Variants in EPHA6 observed in about 807,000 individuals in gnomAD.
EPHA6 encodes the protein ephrin type-A receptor 6.
A neutral mutation model predicts 112.0 loss-of-function variants in EPHA6; 50 were observed. That is an observed-to-expected ratio of 0.45 (90% CI 0.36 to 0.56). EPHA6 has a LOEUF of 0.56. EPHA6 is among the 20% of genes least tolerant of loss of function. The probability of loss-of-function intolerance (pLI) is 0.00; values close to 1 mark genes in which losing one functional copy is unlikely to be tolerated. For synonymous variants in EPHA6, 529 were observed against 490.7 expected (o/e 1.08, Z -1.03); for missense variants, 1,280 against 1,417.4 (o/e 0.90, Z 1.56).
intron 5 of EPHA6, chr3:97,244,760 G>C (rs954149463): frequency 6.3e-6 from 1 of 158,086 alleles, no homozygotes; most frequent in African/African-American, 2.4e-5. Flanking sequence ...ACTCTAAGTA[G>C]CAGAAAAATT....
In EPHA6 at chr3:97,089,458, A is replaced by C. The variant is rs141340297; in HGVS notation, c.1114+101465A>C. Among the ~76,000 whole-genome samples the C allele has an allele frequency of 7.2e-5, 11 of 152,148 alleles. No homozygotes were observed. The South Asian group carries it at 2.1e-3, about 29-fold the overall frequency. On this transcript the variant is annotated intron_variant, in intron 3 of 17. Coordinates refer to ENST00000389672, the MANE Select transcript of EPHA6 (RefSeq NM_001080448.3). ...GTGTATCTTTCTGTATTCTTTCTGT[A>C]ATCTTTCTGATGGTGGTATATCAAC...
At chr3:97,411,257 GC>G (rs1483431762) in intron 6 of EPHA6, among the ~76,000 whole-genome samples, 5 of 151,968 alleles carry the variant, frequency 3.3e-5, no homozygotes, top group African/African-American at 1.2e-4. Context: ...GGCTTAGTAA[GC>G]CCAGGGAGGA....
intron 3 of EPHA6, among the ~76,000 whole-genome samples, chr3:97,055,467 TG>T (rs2045822533): frequency 6.6e-6 from 1 of 152,160 alleles, no homozygotes; most frequent in South Asian, 2.1e-4. Context: ...AGATTTTGCC[TG>T]GGTCATTAAT....
At chr3:97,543,833 A>G (rs1478870468) in intron 11 of EPHA6, among the ~76,000 whole-genome samples, 1 of 151,986 alleles carries the variant, frequency 6.6e-6, no homozygotes, top group South Asian at 2.1e-4. Context: ...TTGGATTCCT[A>G]GGTATTTTAT....
At chr3:97,288,776 G>T (rs545603891) in intron 5 of EPHA6, among the ~76,000 whole-genome samples, 4 of 149,574 alleles carry the variant, frequency 2.7e-5, no homozygotes, top group Non-Finnish European at 5.9e-5. Flanking sequence ...ATTCTGACTG[G>T]TGTAACATAG....
In EPHA6 at chr3:97,182,656, A is replaced by T. The variant is rs192145406; in HGVS notation, c.1115-43608A>T. On this transcript the variant is annotated intron_variant, in intron 3 of 17. Transcript: ENST00000389672. ...ATCAGTCTAGTTTCAATCAGTCCTG[A>T]TGAGTTTGTGCAGACTAAAGTGACT... 1.1e-3 allele frequency among the ~76,000 whole-genome samples: 162 copies of T among 152,262 alleles called. 2 individuals carry two copies. The highest frequency in any genetic ancestry group is 3.7e-3 in the African/African-American group (154 of 41,590).
chr3:96,904,807 T>C (rs2038838473), intron 2 of EPHA6, among the ~76,000 whole-genome samples: 1 of 152,128 alleles, frequency 6.6e-6, no homozygotes, highest in Non-Finnish European at 1.5e-5. Flanking sequence ...AAATTTGATG[T>C]ACAGGATGAT....
At position 96,842,974 on chromosome 3, in the gene EPHA6, A is replaced by C. The variant is rs184083734; in HGVS notation, c.386-23851A>C. Among the ~76,000 whole-genome samples the C allele has an allele frequency of 5.9e-5, 9 of 152,186 alleles. No homozygotes were observed. In the East Asian group the frequency reaches 1.7e-3, roughly 30 times the overall value. On this transcript the variant is annotated intron_variant, in intron 1 of 17. Transcript: ENST00000389672. ...TCTTTAAAATTTGGTACAGTCAGAA[A>C]ATTTAAAGTGGTACTCTATGATAAC...
intron 10 of EPHA6, among the ~76,000 whole-genome samples, chr3:97,498,858 A>G (rs2092048509): frequency 6.6e-6 from 1 of 152,014 alleles, no homozygotes; most frequent in Non-Finnish European, 1.5e-5. Context: ...TCCTCCCCCA[A>G]CCCTTCATCT....
At chr3:97,410,009 T>C (rs2087608484) in intron 6 of EPHA6, among the ~76,000 whole-genome samples, 1 of 152,066 alleles carries the variant, frequency 6.6e-6, no homozygotes, top group African/African-American at 2.4e-5. Context: ...GGACAGTGTA[T>C]TATTTAAAAA....
At chr3:97,041,779 G>C (rs1015108209) in intron 3 of EPHA6, among the ~76,000 whole-genome samples, 3 of 152,076 alleles carry the variant, frequency 2.0e-5, no homozygotes, top group Non-Finnish European at 4.4e-5. Flanking sequence ...CAGAGAAAAA[G>C]GGAGAGAGAG....
chr3:97,399,550 C>G (rs2086871520), intron 5 of EPHA6, among the ~76,000 whole-genome samples: 1 of 151,638 alleles, frequency 6.6e-6, no homozygotes, highest in Admixed American at 6.6e-5. Context: ...TACATTCCCA[C>G]TGGCAGTGGA....
chr3:97,671,017 C>T (rs896309929), intron 14 of EPHA6, among the ~76,000 whole-genome samples: 6 of 152,114 alleles, frequency 3.9e-5, no homozygotes, highest in African/African-American at 1.4e-4. Context: ...TCTAGATTAG[C>T]TTCTGTCAGG....
intron 5 of EPHA6, among the ~76,000 whole-genome samples, chr3:97,375,458 G>C (rs772844132): frequency 3.3e-5 from 5 of 152,014 alleles, no homozygotes; most frequent in Non-Finnish European, 7.4e-5. Context: ...AAAAGCTATT[G>C]AGCATTATTT....
intron 10 of EPHA6, among the ~76,000 whole-genome samples, chr3:97,501,271 A>T (rs1181062680): frequency 2.0e-5 from 3 of 152,148 alleles, no homozygotes; most frequent in Non-Finnish European, 2.9e-5. Context: ...ATGAATATAT[A>T]GAGATTGAGT....
At chr3:97,264,712 A>G (rs780603530) in intron 5 of EPHA6, among the ~76,000 whole-genome samples, 4 of 152,218 alleles carry the variant, frequency 2.6e-5, no homozygotes, top group Non-Finnish European at 4.4e-5. Flanking sequence ...TACACAGACA[A>G]ATGGAGGATG....
chr3:97,379,136 T>C (rs1375479549), intron 5 of EPHA6, among the ~76,000 whole-genome samples: 2 of 152,122 alleles, frequency 1.3e-5, no homozygotes, highest in Non-Finnish European at 2.9e-5. Flanking sequence ...CCCCATATTG[T>C]TGTCAAGGTA....
At chr3:96,834,185 C>G (rs1030587106) in intron 1 of EPHA6, among the ~76,000 whole-genome samples, 1 of 151,902 alleles carries the variant, frequency 6.6e-6, no homozygotes, top group Admixed American at 6.6e-5. Context: ...CCTCAGTTTA[C>G]AGAGTATGTA....
At chr3:96,846,525 G>T (rs1055170959) in intron 1 of EPHA6, among the ~76,000 whole-genome samples, 7 of 151,886 alleles carry the variant, frequency 4.6e-5, no homozygotes, top group Non-Finnish European at 7.4e-5. Context: ...TATTCTAATT[G>T]TTATAATAAG....
Sources: allele counts gnomAD v4.1 joint callset (sites outside exome capture counted in the v4.1 genomes callset), GRCh38; gene constraint gnomAD v4.1.1; transcripts MANE v1.5; gene names NCBI Gene and HGNC (gene_info 2026-07-23, HGNC 2026-07-21).